Variants in RORA observed in about 807,000 individuals in gnomAD.
RORA encodes RAR related orphan receptor A, also known as nuclear receptor ROR-alpha.
RORA carries 7 observed loss-of-function variants against 69.5 expected under a neutral mutation model. The ratio of observed to expected loss-of-function variants is 0.10; its 90% confidence interval spans 0.06 to 0.19. The LOEUF is 0.19. RORA is among the 10% of genes least tolerant of loss of function. The pLI, the probability that RORA is intolerant of heterozygous loss-of-function variation, is 1.00. For synonymous variants in RORA, 261 were observed against 240.8 expected, an observed-to-expected ratio of 1.08 and a Z score of -0.78; for missense variants, 457 against 663.0, an observed-to-expected ratio of 0.69 and a Z score of 3.41.
intron 1 of RORA, among the ~76,000 whole-genome samples, chr15:60,985,730 G>A (rs1381480834): frequency 5.3e-5 from 8 of 151,676 alleles, no homozygotes; most frequent in Non-Finnish European, 8.8e-5. Flanking sequence ...GACTACAGGT[G>A]CGCGCCACCA....
At chr15:60,927,978 C>T (rs530646311) in intron 1 of RORA, among the ~76,000 whole-genome samples, 18 of 152,178 alleles carry the variant, frequency 1.2e-4, no homozygotes, top group Non-Finnish European at 2.4e-4. Flanking sequence ...ACCTTCCTCA[C>T]AGCCATGCCC....
chr15:60,972,334 G>A (rs1893741765), intron 1 of RORA, among the ~76,000 whole-genome samples: 1 of 152,176 alleles, frequency 6.6e-6, no homozygotes, highest in Non-Finnish European at 1.5e-5. Context: ...AGAGCAGGCT[G>A]CAGCTATGAT....
At chr15:61,175,090 G>A (rs1381468551) in intron 1 of RORA, among the ~76,000 whole-genome samples, 1 of 152,140 alleles carries the variant, frequency 6.6e-6, no homozygotes, top group Non-Finnish European at 1.5e-5. Flanking sequence ...AAGTCTCTGG[G>A]TCTATACTAT....
intron 1 of RORA, among the ~76,000 whole-genome samples, chr15:60,839,856 T>A (rs2073173006): frequency 6.6e-6 from 1 of 152,150 alleles, no homozygotes; most frequent in Non-Finnish European, 1.5e-5. Flanking sequence ...TATGTGCAGG[T>A]ATGGAGTGTC....
intron 1 of RORA, among the ~76,000 whole-genome samples, chr15:61,228,290 C>G (rs1005932584): frequency 3.9e-5 from 6 of 152,008 alleles, no homozygotes; most frequent in Non-Finnish European, 7.4e-5. Flanking sequence ...GGCGCGCACA[C>G]GCCCCCCGCC....
chr15:60,728,215 T>C lies in RORA; in HGVS notation c.167-49529A>G, dbSNP rs2071387172. On this transcript the variant is annotated intron_variant, in intron 1 of 10. Transcript: ENST00000335670. ...CTTTTTGCTTTTTTATTTATTTACC[T>C]TTTTAGAATCAGGTCTCATTATGTC... Among the ~76,000 whole-genome samples the C allele has an allele frequency of 2.6e-5, 4 of 152,238 alleles. No homozygotes were observed. In the South Asian group the frequency reaches 8.3e-4, roughly 31 times the overall value.
At chr15:61,196,238 A>G (rs775400564) in intron 1 of RORA, among the ~76,000 whole-genome samples, 6 of 152,258 alleles carry the variant, frequency 3.9e-5, no homozygotes, top group Non-Finnish European at 7.3e-5. Flanking sequence ...GGTAACTTGA[A>G]GAGCTGGGTA....
chr15:61,063,511 AC>A (rs2078215603), intron 1 of RORA, among the ~76,000 whole-genome samples: 1 of 152,236 alleles, frequency 6.6e-6, no homozygotes, highest in Non-Finnish European at 1.5e-5. Context: ...GAATTTTTGT[AC>A]ATTAGTATGA....
intron 2 of RORA, among the ~76,000 whole-genome samples, chr15:60,540,845 C>G (rs954623085): frequency 6.6e-6 from 1 of 152,148 alleles, no homozygotes; most frequent in Non-Finnish European, 1.5e-5. Context: ...ATTTACATCC[C>G]TCTATAGCAA....
At chr15:61,092,738 T>G (rs971711274) in intron 1 of RORA, among the ~76,000 whole-genome samples, 5 of 152,236 alleles carry the variant, frequency 3.3e-5, no homozygotes, top group Non-Finnish European at 7.3e-5. Flanking sequence ...GAAATTAAAA[T>G]GTTATGAACT....
chr15:61,126,912 C>T (rs1567001432), intron 1 of RORA, among the ~76,000 whole-genome samples: 1 of 152,198 alleles, frequency 6.6e-6, no homozygotes, highest in Non-Finnish European at 1.5e-5. Flanking sequence ...GCAAACAACA[C>T]TGCATGCATT....
chr15:61,184,174 C>T (rs937651710), intron 1 of RORA, among the ~76,000 whole-genome samples: 1 of 152,320 alleles, frequency 6.6e-6, no homozygotes, highest in South Asian at 2.1e-4. Context: ...CTTCCCATTC[C>T]ATAAGTTAAA....
intron 1 of RORA, among the ~76,000 whole-genome samples, chr15:60,940,263 C>T (rs1407807810): frequency 1.3e-5 from 2 of 152,110 alleles, no homozygotes; most frequent in Non-Finnish European, 2.9e-5. Flanking sequence ...AGAAACAACC[C>T]CAAAGGCCAT....
At chr15:60,525,055 TAAC>T (rs138419013) in intron 3 of RORA, among the ~76,000 whole-genome samples, 26 of 151,818 alleles carry the variant, frequency 1.7e-4, no homozygotes, top group Admixed American at 1.5e-3. Flanking sequence ...GCCGACTGAA[TAAC>T]AACAACAACA....
chr15:61,117,932 G>C (rs1051373167), intron 1 of RORA, among the ~76,000 whole-genome samples: 1 of 152,276 alleles, frequency 6.6e-6, no homozygotes, highest in South Asian at 2.1e-4. Context: ...AATTGCTTGG[G>C]CTCAAGATAC....
At chr15:60,692,461 T>C (rs183503680) in intron 1 of RORA, among the ~76,000 whole-genome samples, 1 of 152,122 alleles carries the variant, frequency 6.6e-6, no homozygotes, top group East Asian at 1.9e-4. Context: ...CAGAACACAA[T>C]AGCAATCACA....
intron 1 of RORA, among the ~76,000 whole-genome samples, chr15:61,177,713 C>A (rs1027558567): frequency 6.6e-6 from 1 of 152,050 alleles, no homozygotes; most frequent in Non-Finnish European, 1.5e-5. Context: ...ATAACCCGAG[C>A]CCTTTGGGAG....
chr15:60,865,939 A>G (rs1054088458), intron 1 of RORA, among the ~76,000 whole-genome samples: 7 of 152,146 alleles, frequency 4.6e-5, no homozygotes, highest in African/African-American at 1.7e-4. Context: ...GGCCTAGACA[A>G]CTTATCTTCT....
chr15:61,054,946 C>T (rs1248694374), intron 1 of RORA, among the ~76,000 whole-genome samples: 2 of 151,816 alleles, frequency 1.3e-5, no homozygotes, highest in African/African-American at 4.8e-5. Context: ...AATCAATCCT[C>T]CCACCTCAGC....
Sources: allele counts gnomAD v4.1 joint callset (sites outside exome capture counted in the v4.1 genomes callset), GRCh38; gene constraint gnomAD v4.1.1; transcripts MANE v1.5; gene names NCBI Gene and HGNC (gene_info 2026-07-23, HGNC 2026-07-21).